COL15A1: variants seen among roughly 807,000 people sequenced by gnomAD.
COL15A1 encodes the protein collagen alpha-1(XV) chain.
COL15A1 carries 111 observed loss-of-function variants against 165.9 expected under a neutral mutation model. The ratio of observed to expected loss-of-function variants is 0.67; its 90% CI spans 0.57 to 0.78. The LOEUF is 0.78. Among genes scored for constraint, COL15A1 ranks in the 30% least tolerant of loss-of-function variants. The pLI, the probability that COL15A1 is intolerant of heterozygous loss-of-function variation, is 0.00. For synonymous variants in COL15A1, 659 were observed against 674.8 expected, an observed-to-expected ratio of 0.98 and a Z score of 0.36; for missense variants, 1,745 against 1,789.7, an observed-to-expected ratio of 0.98 and a Z score of 0.45.
At chr9:98,971,642 C>A (rs1368750192) in intron 2 of COL15A1, among the ~76,000 whole-genome samples, 1 of 152,186 alleles carries the variant, frequency 6.6e-6, no homozygotes, top group Non-Finnish European at 1.5e-5. Flanking sequence ...ACGTAAAGAC[C>A]CCCACTGCAG....
In COL15A1 at chr9:99,000,841, T is replaced by A. The variant is rs534212957; in HGVS notation, c.955T>A (p.Ser319Thr). The A allele has an allele frequency of 6.0e-6, 9 of 1,496,806 alleles. No homozygotes were observed. The highest frequency in any genetic ancestry group is 8.4e-6 in the Non-Finnish European group (9 of 1,074,744). 92.7% of individuals were successfully genotyped at this position (1,496,806 alleles called of 1,614,324 possible). The change falls in exon 7 of 42, where the codon TCT (serine) becomes ACT (threonine). Residue 319 changes from serine (S) to threonine (T), a missense_variant and splice_region_variant. Ser to Thr is a moderately conservative substitution (Grantham distance 58, BLOSUM62 1). Coordinates refer to ENST00000375001, the MANE Select transcript of COL15A1 (RefSeq NM_001855.5). ...AGCAGAATGCCTGCTTCCTGTAGGG[T>A]CTGGTGAGATCCTGAATGACACACT... ...IIQHSSPKQG[S>T]GEILNDTLEG...
chr9:99,015,636 TCCTTGG>T (rs763549628), intron 10 of COL15A1, 70 bp downstream of exon 10: 353 of 1,490,916 alleles, frequency 2.4e-4, no homozygotes, highest in Non-Finnish European at 3.1e-4. Flanking sequence ...ACAACAGTCA[TCCTTGG>T]CCTTGGCAGG....
rs143696476 is a variant in COL15A1, at chr9:99,022,150, G to C, written c.1761G>C (p.Thr587=). 1.2e-6 allele frequency: 2 copies of C among 1,613,990 alleles called. No individual in the cohort carries two copies. The highest frequency in any genetic ancestry group is 1.7e-6 in the Non-Finnish European group (2 of 1,179,994). ...PPEPSGPVGP[T]AGAEAEGSGL... is the part of the protein sequence containing the mutation. ...AACCTTCTGGGCCTGTTGGACCCAC[G>C]GTGAGATTCCCATCCAGGCTTGTCA... Residue 587 remains threonine (T), a splice_region_variant and synonymous_variant, in exon 13 of 42, where the codon ACG becomes ACC. Transcript: ENST00000375001.
chr9:98,969,068 T>C (rs1838002276), intron 2 of COL15A1, among the ~76,000 whole-genome samples: 1 of 152,226 alleles, frequency 6.6e-6, no homozygotes, highest in Non-Finnish European at 1.5e-5. Flanking sequence ...GCAAAGCATT[T>C]TCTCATTCAA....
At chr9:99,045,222 A>G (rs1405131270) in intron 26 of COL15A1, among the ~76,000 whole-genome samples, 1 of 152,208 alleles carries the variant, frequency 6.6e-6, no homozygotes, top group Non-Finnish European at 1.5e-5. Flanking sequence ...GTGTCCAGGA[A>G]GGAGAGGTGC....
chr9:98,972,514 C>A (rs967103720), intron 2 of COL15A1, among the ~76,000 whole-genome samples: 9 of 152,206 alleles, frequency 5.9e-5, no homozygotes, highest in Non-Finnish European at 1.3e-4. Flanking sequence ...TTCTAACCTG[C>A]AAATGGGGAT....
chr9:98,970,145 A>G (rs756437696), intron 2 of COL15A1, among the ~76,000 whole-genome samples: 1 of 152,208 alleles, frequency 6.6e-6, no homozygotes, highest in Non-Finnish European at 1.5e-5. Flanking sequence ...GGACATAGTA[A>G]GGGCTCCGTA....
Position 98,944,253 on chromosome 9 carries a change from A to G in COL15A1, c.100+3A>G. The G allele has an allele frequency of 1.2e-6, 2 of 1,613,432 alleles. No homozygotes were observed. The highest frequency in any genetic ancestry group is 3.3e-5 in the Admixed American group (2 of 59,996). On this transcript the variant is annotated splice_donor_region_variant and intron_variant, in intron 2 of 41. Transcript: ENST00000375001. ...CACCCAGACCCGCGGTGCGACAGGT[A>G]AGCAACCCGGTCGGAGGGTGGCACC...
intron 5 of COL15A1, among the ~76,000 whole-genome samples, chr9:98,993,002 C>T (rs1838473751): frequency 6.6e-6 from 1 of 152,166 alleles, no homozygotes; most frequent in Non-Finnish European, 1.5e-5. Flanking sequence ...TCTTTCCATG[C>T]TTCCCCAACC....
intron 16 of COL15A1, among the ~76,000 whole-genome samples, chr9:99,028,462 C>T (rs1839164705): frequency 6.6e-6 from 1 of 151,944 alleles, no homozygotes; most frequent in African/African-American, 2.4e-5. Flanking sequence ...ACCAGCCTGA[C>T]CAACATGGTG....
intron 5 of COL15A1, among the ~76,000 whole-genome samples, chr9:98,989,477 T>A (rs1838379439): frequency 6.6e-6 from 1 of 152,232 alleles, no homozygotes; most frequent in Admixed American, 6.5e-5. Context: ...CCACCCTGTG[T>A]GTGGCCATCA....
chr9:99,027,020 T>G (rs550757172), intron 16 of COL15A1, among the ~76,000 whole-genome samples: 4 of 152,340 alleles, frequency 2.6e-5, no homozygotes, highest in South Asian at 4.2e-4. Context: ...TTCATCCTCT[T>G]CATTCTCTGT....
chr9:99,064,912 C>G (rs371939035), intron 39 of COL15A1, among the ~76,000 whole-genome samples: 1 of 152,086 alleles, frequency 6.6e-6, no homozygotes, highest in Non-Finnish European at 1.5e-5. Context: ...AGAACTAATA[C>G]GTATTCATTG....
intron 2 of COL15A1, among the ~76,000 whole-genome samples, chr9:98,956,183 G>A (rs1448517426): frequency 1.3e-5 from 2 of 152,168 alleles, no homozygotes; most frequent in Admixed American, 6.5e-5. Flanking sequence ...GTGCACGCCT[G>A]TGGTCCCAGC....
At chr9:98,992,326 C>A (rs1838454902) in intron 5 of COL15A1, among the ~76,000 whole-genome samples, 1 of 152,242 alleles carries the variant, frequency 6.6e-6, no homozygotes, top group Non-Finnish European at 1.5e-5. Flanking sequence ...ACCCGGCACA[C>A]CCTCTGCAGC....
chr9:99,003,227 G>T (rs935413095), intron 7 of COL15A1, among the ~76,000 whole-genome samples: 2 of 152,240 alleles, frequency 1.3e-5, no homozygotes, highest in African/African-American at 4.8e-5. Context: ...TGATTTCCGT[G>T]TTAATGGAGG....
chr9:98,962,125 A>G (rs904533745), intron 2 of COL15A1, among the ~76,000 whole-genome samples: 1 of 152,232 alleles, frequency 6.6e-6, no homozygotes, highest in African/African-American at 2.4e-5. Flanking sequence ...CAGGTCTGAC[A>G]TGATCTCTTT....
Position 99,062,316 on chromosome 9 carries a change from C to A in COL15A1, c.3591+12C>A, listed in dbSNP as rs1825829646. 1 of 1,585,598 alleles carries A rather than the reference C, an allele frequency of 6.3e-7. No homozygotes were observed. The highest frequency in any genetic ancestry group is 8.7e-7 in the Non-Finnish European group (1 of 1,153,850). On this transcript the variant is annotated intron_variant, in intron 38 of 41. Transcript: ENST00000375001. ...CGCTTTCCAGCAACGTGAGTAGTTACCCTGTTGGACTGCTCATGCATTCAT... is the reference window on the plus strand; with the variant it reads ...CGCTTTCCAGCAACGTGAGTAGTTAACCTGTTGGACTGCTCATGCATTCAT...
At position 99,036,545 on chromosome 9, in the gene COL15A1, C is replaced by T. The variant is rs147787529; in HGVS notation, c.2409+149C>T. On this transcript the variant is annotated intron_variant, in intron 21 of 41. Transcript: ENST00000375001. ...AGAACTTCCACCTGCCAGCACCTAC[C>T]TGTTCCTCCCCCAGTTCCACTGTTC... 775 of 692,912 alleles carry T rather than the reference C, an allele frequency of 1.1e-3. 1 individual carries two copies. The highest frequency in any genetic ancestry group is 1.7e-3 in the Non-Finnish European group (691 of 413,500). 42.9% of individuals were successfully genotyped at this position (692,912 alleles called of 1,614,324 possible). A position where few individuals can be genotyped will look rare whatever the true frequency, so the allele number is the denominator to read the frequency against.
Sources: gnomAD v4.1 joint callset for allele counts (sites outside exome capture counted in the v4.1 genomes callset) on GRCh38, gnomAD v4.1.1 for gene constraint, MANE v1.5 for transcripts, NCBI Gene and HGNC (gene_info 2026-07-23, HGNC 2026-07-21) for gene names.